Variants in ZDHHC11 observed in about 807,000 individuals in gnomAD.
The protein encoded by ZDHHC11 is palmitoyltransferase ZDHHC11.
A neutral mutation model predicts 51.3 loss-of-function variants in ZDHHC11; 44 were observed. The observed-to-expected ratio is 0.86, with a 90% confidence interval of 0.67 to 1.10. The LOEUF (loss-of-function observed/expected upper bound fraction) is 1.10. Among genes scored for constraint, ZDHHC11 ranks in the 50% least tolerant of loss-of-function variants. ZDHHC11 has a pLI of 0.00. For missense variants in ZDHHC11, 400 were observed against 537.7 expected (o/e 0.74, Z 2.53); for synonymous variants, 163 against 222.0 (o/e 0.73, Z 2.36).
intron 8 of ZDHHC11, 128 bp downstream of exon 8, chr5:825,036 A>G (rs1302916730): frequency 3.3e-6 from 3 of 915,720 alleles, no homozygotes; most frequent in African/African-American, 3.1e-5. Context: ...TTCCCATGTG[A>G]GCAGCACCAT....
rs1424956122 is a variant in ZDHHC11, at chr5:801,256, T to G, written c.1182-92A>C. 6.1e-5 allele frequency: 92 copies of G among 1,506,172 alleles called. 4 individuals carry two copies. The highest frequency in any genetic ancestry group is 8.0e-5 in the Non-Finnish European group (88 of 1,097,136). 93.3% of individuals were successfully genotyped at this position (1,506,172 alleles called of 1,614,324 possible). A position where few individuals can be genotyped will look rare whatever the true frequency, so the allele number is the denominator to read the frequency against. On this transcript the variant is annotated intron_variant, in intron 11 of 12. Coordinates refer to ENST00000283441, the MANE Select transcript of ZDHHC11 (RefSeq NM_024786.3). ...AGTGCACAAAATGTGTAAACAAGAGTACATTTTAGAGATTAGCTTGTGACG... is the reference window on the plus strand; with the variant it reads ...AGTGCACAAAATGTGTAAACAAGAGGACATTTTAGAGATTAGCTTGTGACG...
rs565893685 is a variant in ZDHHC11, at chr5:805,089, A to G, written c.1182-3925T>C. Among the ~76,000 whole-genome samples, 329 of 151,582 alleles carry G rather than the reference A, an allele frequency of 2.2e-3. 7 individuals carry two copies. The highest frequency in any genetic ancestry group is 4.8e-3 in the South Asian group (23 of 4,792). The stretch of plus-strand genomic sequence containing the variant: ...GTATAAAGATGTAATCAATGACAAC[A>G]GCAATATAAAGGGTGAGGGATGGAG... On this transcript the variant is annotated intron_variant, in intron 11 of 12. Transcript: ENST00000283441.
rs139739366 is a variant in ZDHHC11 at position 800,845 on chromosome 5, G to A, written c.*7+255C>T. Reference sequence around the variant, plus strand: ...CTTAAAGGCAAGTATGGAAATGAGAGGTGTTCAATCTATACATTGTTTACT... The same window carrying A: ...CTTAAAGGCAAGTATGGAAATGAGAAGTGTTCAATCTATACATTGTTTACT... On this transcript the variant is annotated intron_variant, in intron 12 of 12. Coordinates refer to ENST00000283441, the MANE Select transcript of ZDHHC11 (RefSeq NM_024786.3). 1.3e-4 allele frequency among the ~76,000 whole-genome samples: 19 copies of A among 151,168 alleles called. 1 individual carries two copies. Among genetic ancestry groups the A allele is most frequent in the Admixed American group, 4.0e-4 (6 of 15,172 alleles).
chr5:827,127 T>G (rs1742401824), intron 7 of ZDHHC11, among the ~76,000 whole-genome samples: 1 of 149,548 alleles, frequency 6.7e-6, no homozygotes, highest in Admixed American at 6.7e-5. Flanking sequence ...TCAGCAAAAC[T>G]ATGTTTCCTA....
In ZDHHC11 at chr5:850,589, G is replaced by C. The variant is rs773917851; in HGVS notation, c.14C>G (p.Ser5Cys). Residue 5 changes from serine to cysteine, a missense_variant, in exon 1 of 13, where the codon TCC (serine) becomes TGC (cysteine). Around this residue, in one of 5 missense-constraint regions of ZDHHC11, gnomAD observed 119 missense variants for 99.6 expected, o/e 1.20. Transcript: ENST00000283441. MDTR[S>C]GSQCSVTPEA... Reference sequence around the variant, plus strand: ...TGGGGTGACGGAACACTGGCTCCCGGAGCGGGTGTCCATCTGCAGGACACA... The same window carrying C: ...TGGGGTGACGGAACACTGGCTCCCGCAGCGGGTGTCCATCTGCAGGACACA... 1.2e-5 allele frequency: 19 copies of C among 1,613,228 alleles called. No homozygotes were observed. The highest frequency in any genetic ancestry group is 1.6e-4 in the Middle Eastern group (1 of 6,078).
upstream of ZDHHC11, among the ~76,000 whole-genome samples, chr5:852,290 G>C (rs1047478712): frequency 6.6e-6 from 1 of 152,238 alleles, no homozygotes; most frequent in Non-Finnish European, 1.5e-5. Flanking sequence ...CAGCGGCCTT[G>C]AGCCTTGAGC....
At chr5:840,974 C>T (rs561826489) in intron 4 of ZDHHC11, 425 of 1,328,734 alleles carry the variant, frequency 3.2e-4, no homozygotes, top group Non-Finnish European at 3.8e-4. Context: ...GCCAGGGTCA[C>T]AGCGCCCACC....
At chr5:827,815 T>C (rs1336212516) in intron 7 of ZDHHC11, among the ~76,000 whole-genome samples, 6 of 150,550 alleles carry the variant, frequency 4.0e-5, no homozygotes, top group South Asian at 2.1e-4. Context: ...CATAGGACAA[T>C]AGTGGAGGGA....
At chr5:823,201 A>T (rs1741788512) in intron 8 of ZDHHC11, among the ~76,000 whole-genome samples, 1 of 151,220 alleles carries the variant, frequency 6.6e-6, no homozygotes, top group Non-Finnish European at 1.5e-5. Context: ...TGCCTAACAC[A>T]AGACCCCGGA....
intron 5 of ZDHHC11, among the ~76,000 whole-genome samples, chr5:838,021 GCT>G (rs1324686926): frequency 6.6e-6 from 1 of 151,910 alleles, no homozygotes; most frequent in African/African-American, 2.4e-5. Flanking sequence ...CGAGGTGCTG[GCT>G]AGCGGGTCCT....
intron 1 of ZDHHC11, among the ~76,000 whole-genome samples, chr5:856,511 CACACAAT>C (rs1364692523): frequency 6.6e-6 from 1 of 151,058 alleles, no homozygotes; most frequent in Non-Finnish European, 1.5e-5. Flanking sequence ...ACCCACACAC[CACACAAT>C]ACACAAAACA....
rs1233725697 is a variant in ZDHHC11, at chr5:827,843, A to G, written c.936-2592T>C. 1.3e-5 allele frequency among the ~76,000 whole-genome samples: 2 copies of G among 151,008 alleles called. 1 individual carries two copies. Among genetic ancestry groups the G allele is most frequent in the Non-Finnish European group, 3.0e-5 (2 of 67,672 alleles). ...TGGAGGGAAGGTCAACAGAAAAACA[A>G]GTGAACAAAGGTCTCTGGCTTTCCT... is the stretch of plus-strand genomic sequence containing the variant. On this transcript the variant is annotated intron_variant, in intron 7 of 12. Transcript: ENST00000283441.
chr5:821,179 G>A (rs9968609), intron 9 of ZDHHC11: 1 of 151,392 alleles, frequency 6.6e-6, no homozygotes, highest in African/African-American at 2.4e-5. Flanking sequence ...TGCTCCCCCC[G>A]GGGCAGGAGA....
At chr5:815,357 C>T (rs1740643647) in intron 10 of ZDHHC11, among the ~76,000 whole-genome samples, 1 of 146,818 alleles carries the variant, frequency 6.8e-6, no homozygotes, top group Non-Finnish European at 1.5e-5. Context: ...AAGAAAAACA[C>T]CTGCTATGTG....
chr5:837,290 G>A, intron 6 of ZDHHC11, 75 bp downstream of exon 6: 3 of 1,534,524 alleles, frequency 2.0e-6, no homozygotes, highest in Non-Finnish European at 1.8e-6. Context: ...GAGCATGGCT[G>A]AGAGGTCCCA....
At chr5:844,592 G>A (rs1165475088) in intron 3 of ZDHHC11, among the ~76,000 whole-genome samples, 3 of 152,304 alleles carry the variant, frequency 2.0e-5, no homozygotes, top group Non-Finnish European at 4.4e-5. Flanking sequence ...ACCATGCTGG[G>A]CAAAGGCACT....
At chr5:825,674 A>T (rs1192228130) in intron 7 of ZDHHC11, among the ~76,000 whole-genome samples, 1 of 147,540 alleles carries the variant, frequency 6.8e-6, no homozygotes, top group Non-Finnish European at 1.5e-5. Flanking sequence ...TACCAGAAAA[A>T]ACAAAAAGTC....
At chr5:802,176 C>T (rs1411960265) in intron 11 of ZDHHC11, among the ~76,000 whole-genome samples, 1 of 151,152 alleles carries the variant, frequency 6.6e-6, no homozygotes, top group Non-Finnish European at 1.5e-5. Flanking sequence ...AGCGGCCAGG[C>T]AGTGACTGCT....
At chr5:807,965 C>A (rs1334978278) in intron 11 of ZDHHC11, among the ~76,000 whole-genome samples, 3 of 151,088 alleles carry the variant, frequency 2.0e-5, no homozygotes, top group Admixed American at 6.6e-5. Context: ...ACTGAGCCTG[C>A]AGCTAAGAGA....
Sources: gnomAD v4.1 joint callset for allele counts (sites outside exome capture counted in the v4.1 genomes callset) on GRCh38, gnomAD v4.1.1 for gene constraint, gnomAD v4.1.1 regional missense constraint, MANE v1.5 for transcripts, NCBI Gene and HGNC (gene_info 2026-07-23, HGNC 2026-07-21) for gene names.